The following FRMD4B variants were observed in gnomAD, a reference collection of about 807,000 sequenced individuals.
The protein encoded by FRMD4B is FERM domain containing 4B, also known as FERM domain-containing protein 4B.
In FRMD4B, 74 loss-of-function variants were observed where a neutral mutation model predicts 141.5. The observed-to-expected ratio is 0.52, with a 90% CI of 0.43 to 0.63. The LOEUF (loss-of-function observed/expected upper bound fraction) is 0.63. Among genes scored for constraint, FRMD4B ranks in the 30% least tolerant of loss-of-function variants. FRMD4B has a pLI of 0.00. For synonymous variants in FRMD4B, 506 were observed against 467.9 expected, an observed-to-expected ratio of 1.08 and a Z score of -1.05; for missense variants, 1,366 against 1,253.4, an observed-to-expected ratio of 1.09 and a Z score of -1.36.
intron 5 of FRMD4B, among the ~76,000 whole-genome samples, chr3:69,269,527 T>C (rs1184335047): frequency 6.6e-6 from 1 of 152,192 alleles, no homozygotes; most frequent in Non-Finnish European, 1.5e-5. Flanking sequence ...GCTTCCCCCA[T>C]GTCATGCATC....
chr3:69,310,216 A>T (rs971293667), intron 3 of FRMD4B, among the ~76,000 whole-genome samples: 1 of 152,174 alleles, frequency 6.6e-6, no homozygotes, highest in African/African-American at 2.4e-5. Flanking sequence ...GCCTGCTGGC[A>T]TATTCTGGAG....
chr3:69,455,843 A>G (rs1705596672), intron 1 of FRMD4B, among the ~76,000 whole-genome samples: 1 of 152,204 alleles, frequency 6.6e-6, no homozygotes, highest in South Asian at 2.1e-4. Flanking sequence ...GAGTCAAAGA[A>G]AACAGACCAC....
intron 7 of FRMD4B, among the ~76,000 whole-genome samples, chr3:69,225,728 AGAGGG>A (rs2093247873): frequency 8.9e-4 from 41 of 45,828 alleles, no homozygotes; most frequent in African/African-American, 2.9e-3. Flanking sequence ...AAAAAAAAAA[AGAGGG>A]AGAACACGTA....
At chr3:69,212,028 C>CT (rs1435460574) in intron 11 of FRMD4B, among the ~76,000 whole-genome samples, 2 of 147,610 alleles carry the variant, frequency 1.4e-5, no homozygotes, top group Non-Finnish European at 3.0e-5. Flanking sequence ...GAGTAGACAC[C>CT]CCCCAAAAAA....
intron 1 of FRMD4B, among the ~76,000 whole-genome samples, chr3:69,338,939 C>G (rs555105567): frequency 1.2e-4 from 19 of 152,260 alleles, no homozygotes; most frequent in Non-Finnish European, 2.1e-4. Context: ...CACCCAATAC[C>G]TATTAAAACT....
chr3:69,332,481 G>A (rs58021393), intron 1 of FRMD4B, among the ~76,000 whole-genome samples: 2,762 of 152,272 alleles, frequency 0.018, 85 homozygotes, highest in African/African-American at 0.064. Context: ...GCCAAGATCA[G>A]GTATCATACC....
chr3:69,270,311 A>G (rs1424429545), intron 5 of FRMD4B, among the ~76,000 whole-genome samples: 2 of 152,242 alleles, frequency 1.3e-5, no homozygotes, highest in African/African-American at 2.4e-5. Context: ...ATATAAAGAT[A>G]GCCCTTCAAA....
chr3:69,176,137 T>C (rs747734513), intron 22 of FRMD4B, among the ~76,000 whole-genome samples: 3 of 152,086 alleles, frequency 2.0e-5, no homozygotes, highest in Non-Finnish European at 4.4e-5. Flanking sequence ...CAAGTAGTTC[T>C]TTGTAAACAT....
At chr3:69,318,593 C>T (rs1701882645) in intron 1 of FRMD4B, among the ~76,000 whole-genome samples, 1 of 152,178 alleles carries the variant, frequency 6.6e-6, no homozygotes, top group African/African-American at 2.4e-5. Context: ...TGGTGTTCAG[C>T]ATGTGGAAAG....
intron 5 of FRMD4B, among the ~76,000 whole-genome samples, chr3:69,283,307 C>T (rs1325996558): frequency 6.6e-6 from 1 of 151,740 alleles, no homozygotes; most frequent in African/African-American, 2.4e-5. Flanking sequence ...TCGCTTGAGC[C>T]CAGGAGGCAG....
At chr3:69,353,468 G>T in intron 1 of FRMD4B, 1 of 555,890 alleles carries the variant, frequency 1.8e-6, no homozygotes, top group Non-Finnish European at 2.3e-6. Flanking sequence ...ATTTTGCTAT[G>T]AAATGCCAGT....
chr3:69,177,030 T>C (rs2092653867), intron 21 of FRMD4B, among the ~76,000 whole-genome samples: 1 of 152,166 alleles, frequency 6.6e-6, no homozygotes, highest in Admixed American at 6.6e-5. Flanking sequence ...GATAAATTTG[T>C]CAATTCAAAA....
At chr3:69,285,860 T>A (rs932847703) in intron 5 of FRMD4B, among the ~76,000 whole-genome samples, 2 of 149,448 alleles carry the variant, frequency 1.3e-5, no homozygotes, top group Non-Finnish European at 3.0e-5. Context: ...AAAAAAAAAA[T>A]AATTGCTCAA....
intron 1 of FRMD4B, among the ~76,000 whole-genome samples, chr3:69,493,897 G>C (rs1166955601): frequency 6.6e-6 from 1 of 152,136 alleles, no homozygotes; most frequent in Non-Finnish European, 1.5e-5. Context: ...GCATATAGTA[G>C]TACAATAGTA....
intron 1 of FRMD4B, among the ~76,000 whole-genome samples, chr3:69,366,809 G>GC (rs1444759803): frequency 6.6e-6 from 1 of 151,854 alleles, no homozygotes; most frequent in Non-Finnish European, 1.5e-5. Context: ...TCACTCTGTT[G>GC]CCCAGGCTGG....
chr3:69,256,263 C>T (rs2093492302), intron 5 of FRMD4B, among the ~76,000 whole-genome samples: 1 of 152,090 alleles, frequency 6.6e-6, no homozygotes, highest in African/African-American at 2.4e-5. Flanking sequence ...CTCATTTCTC[C>T]TGAGGATAGA....
intron 1 of FRMD4B, among the ~76,000 whole-genome samples, chr3:69,440,883 G>A (rs1705332149): frequency 6.6e-6 from 1 of 152,122 alleles, no homozygotes; most frequent in South Asian, 2.1e-4. Flanking sequence ...GAACTACAAT[G>A]AATTTGTAAA....
chr3:69,457,652 T>G (rs1196229756), intron 1 of FRMD4B, among the ~76,000 whole-genome samples: 2 of 144,016 alleles, frequency 1.4e-5, no homozygotes, highest in Non-Finnish European at 3.1e-5. Context: ...AATGGATGTT[T>G]TTCTTTATAT....
At chr3:69,264,468 C>G (rs2093548219) in intron 5 of FRMD4B, among the ~76,000 whole-genome samples, 1 of 152,132 alleles carries the variant, frequency 6.6e-6, no homozygotes, top group East Asian at 1.9e-4. Flanking sequence ...TCGTGATTCA[C>G]TATAGATTTG....
Sources: gnomAD v4.1 joint callset for allele counts (sites outside exome capture counted in the v4.1 genomes callset) on GRCh38, gnomAD v4.1.1 for gene constraint, MANE v1.5 for transcripts, NCBI Gene and HGNC (gene_info 2026-07-23, HGNC 2026-07-21) for gene names.